Variants in TUFT1 observed in about 807,000 individuals in gnomAD.
TUFT1 encodes the protein tuftelin 1.
TUFT1 carries 43 observed loss-of-function variants against 57.8 expected under a neutral mutation model. The observed-to-expected ratio is 0.74, with a 90% confidence interval of 0.58 to 0.96. The LOEUF (loss-of-function observed/expected upper bound fraction) is 0.96, where lower values mean the gene tolerates loss of function less well. TUFT1 is among the 40% of genes least tolerant of loss of function. The pLI is 0.00. For missense variants in TUFT1, 459 were observed against 489.0 expected, an observed-to-expected ratio of 0.94 and a Z score of 0.58; for synonymous variants, 166 against 176.7, an observed-to-expected ratio of 0.94 and a Z score of 0.48.
At chr1:151,542,192 T>C (rs560089680) in intron 1 of TUFT1, among the ~76,000 whole-genome samples, 1 of 151,192 alleles carries the variant, frequency 6.6e-6, no homozygotes, top group East Asian at 1.9e-4. Flanking sequence ...TACTATTTTT[T>C]TTCTTTCTTC....
chr1:151,550,278 C>T (rs1399966716), intron 1 of TUFT1, among the ~76,000 whole-genome samples: 1 of 152,016 alleles, frequency 6.6e-6, no homozygotes, highest in African/African-American at 2.4e-5. Context: ...GGTGATCCAC[C>T]TGCTTTGGCC....
intron 1 of TUFT1, chr1:151,540,807 G>C (rs185614474): frequency 3.2e-3 from 677 of 212,606 alleles, no homozygotes; most frequent in Non-Finnish European, 5.1e-3. Context: ...GTGTCCTGCC[G>C]AGGAGGCTTA....
chr1:151,546,696 C>G (rs1183223263), intron 1 of TUFT1, among the ~76,000 whole-genome samples: 1 of 152,204 alleles, frequency 6.6e-6, no homozygotes, highest in Non-Finnish European at 1.5e-5. Flanking sequence ...TAATGTGAAT[C>G]AGTACTTCAT....
chr1:151,551,319 G>A (rs1489214119), intron 1 of TUFT1, among the ~76,000 whole-genome samples: 1 of 151,960 alleles, frequency 6.6e-6, no homozygotes, highest in African/African-American at 2.4e-5. Flanking sequence ...CATATCACCT[G>A]GAACTCATGC....
chr1:151,565,582 A>G (rs1399637264), intron 5 of TUFT1, among the ~76,000 whole-genome samples: 1 of 152,248 alleles, frequency 6.6e-6, no homozygotes, highest in African/African-American at 2.4e-5. Context: ...AGGTATCAGA[A>G]GAACCTAATG....
Position 151,581,376 on chromosome 1 carries a change from C to T in TUFT1, c.1110-268C>T, listed in dbSNP as rs549531248. ...AAAGGACCCATGATCTTGACAAAAT[C>T]GAGAATCACAGCTATATCCACTTCT... On this transcript the variant is annotated intron_variant, in intron 12 of 12. Coordinates refer to ENST00000368849, the MANE Select transcript of TUFT1 (RefSeq NM_020127.3). Among the ~76,000 whole-genome samples the T allele has an allele frequency of 2.0e-4, 31 of 152,286 alleles. No individual in the cohort carries two copies. The East Asian group carries it at 5.8e-3, about 28-fold the overall frequency.
intron 1 of TUFT1, among the ~76,000 whole-genome samples, chr1:151,554,558 C>T (rs1185989930): frequency 6.6e-6 from 1 of 151,636 alleles, no homozygotes; most frequent in African/African-American, 2.4e-5. Flanking sequence ...TGCTACCACA[C>T]CCGGCTAATT....
intron 12 of TUFT1, among the ~76,000 whole-genome samples, 190 bp downstream of exon 12, chr1:151,581,232 C>T (rs181784972): frequency 6.6e-6 from 1 of 152,246 alleles, no homozygotes; most frequent in East Asian, 1.9e-4. Context: ...AACACAAGCC[C>T]AGGGAGGTCC....
chr1:151,561,475 A>G (rs1305483482), intron 1 of TUFT1: 27 of 431,528 alleles, frequency 6.3e-5, no homozygotes, highest in African/African-American at 6.2e-4. Context: ...GCGCGCGCGC[A>G]CACACACACA....
chr1:151,564,925 A>G (rs1249279926), intron 5 of TUFT1: 1 of 199,322 alleles, frequency 5.0e-6, no homozygotes, highest in Non-Finnish European at 1.0e-5. Flanking sequence ...GGATTCTGTG[A>G]TCAAGCTTCT....
rs966847022 is a variant in TUFT1 at position 151,574,792 on chromosome 1, C to T, written c.724-119C>T. 3 of 828,534 alleles carry T rather than the reference C, an allele frequency of 3.6e-6. No individual in the cohort carries two copies. In the African/African-American group the frequency reaches 5.1e-5, roughly 14 times the overall value. 51.3% of individuals were successfully genotyped at this position (828,534 alleles called of 1,614,324 possible). A position where few individuals can be genotyped will look rare whatever the true frequency, so the allele number is the denominator to read the frequency against. On this transcript the variant is annotated intron_variant, in intron 8 of 12. Coordinates refer to ENST00000368849, the MANE Select transcript of TUFT1 (RefSeq NM_020127.3). ...CCCATCAAACCAGCTCATCTTGCTG[C>T]TCTTTGGCAGCTGTCCAGGCCCAGT...
intron 2 of TUFT1, 33 bp from the exon 3 acceptor site, chr1:151,562,552 C>CTG: frequency 6.4e-7 from 1 of 1,554,072 alleles, no homozygotes; most frequent in Non-Finnish European, 8.8e-7. Context: ...CCATCTCTCT[C>CTG]TCTCTCTCTC....
chr1:151,550,183 C>T (rs889456051), intron 1 of TUFT1, among the ~76,000 whole-genome samples: 11 of 152,064 alleles, frequency 7.2e-5, no homozygotes, highest in Non-Finnish European at 1.3e-4. Context: ...AGGTGCCCAC[C>T]ACCACACCTG....
At chr1:151,543,587 A>T (rs538533401) in intron 1 of TUFT1, among the ~76,000 whole-genome samples, 2 of 152,344 alleles carry the variant, frequency 1.3e-5, no homozygotes, top group South Asian at 4.1e-4. Flanking sequence ...GAAATAGAGC[A>T]GTTCACAGAA....
chr1:151,546,955 C>G (rs1168492478), intron 1 of TUFT1, among the ~76,000 whole-genome samples: 1 of 150,854 alleles, frequency 6.6e-6, no homozygotes, highest in African/African-American at 2.4e-5. Flanking sequence ...GTAGCCATTG[C>G]TGCTTACTCC....
At chr1:151,566,708 T>TATATACATGATAAATATATGTATATA in intron 6 of TUFT1, among the ~76,000 whole-genome samples, 1 of 152,280 alleles carries the variant, frequency 6.6e-6, no homozygotes, top group East Asian at 1.9e-4. Context: ...ATACACACCA[T>TATATACATGATAAATATATGTATATA]ATATACATGA....
rs1571725244 is a variant in TUFT1, at chr1:151,581,844, A to C, written c.*137A>C. ...CCAGGACTTCGGGCTCCTGTGTCTCACCATTCCCAAGCCCCTGGCCACTCT... is the reference window on the plus strand; with the variant it reads ...CCAGGACTTCGGGCTCCTGTGTCTCCCCATTCCCAAGCCCCTGGCCACTCT... On this transcript the variant is annotated 3_prime_UTR_variant, in exon 13 of 13. Coordinates refer to ENST00000368849, the MANE Select transcript of TUFT1 (RefSeq NM_020127.3). 1 of 864,814 alleles carries C rather than the reference A, an allele frequency of 1.2e-6. No individual in the cohort carries two copies. 53.6% of individuals were successfully genotyped at this position (864,814 alleles called of 1,614,324 possible). A position where few individuals can be genotyped will look rare whatever the true frequency, so the allele number is the denominator to read the frequency against.
chr1:151,570,812 A>G (rs1666230592), intron 7 of TUFT1, among the ~76,000 whole-genome samples: 1 of 152,040 alleles, frequency 6.6e-6, no homozygotes, highest in East Asian at 1.9e-4. Context: ...GACTCAAGCC[A>G]TCTCCCACTT....
chr1:151,575,965 TAGTC>T (rs1399828157), intron 9 of TUFT1, among the ~76,000 whole-genome samples: 4 of 152,154 alleles, frequency 2.6e-5, no homozygotes, highest in African/African-American at 9.7e-5. Context: ...ATATCAGAAT[TAGTC>T]AGCACTCCTT....
Sources: gnomAD v4.1 joint callset for allele counts (sites outside exome capture counted in the v4.1 genomes callset) on GRCh38, gnomAD v4.1.1 for gene constraint, MANE v1.5 for transcripts, NCBI Gene and HGNC (gene_info 2026-07-23, HGNC 2026-07-21) for gene names.